PPP4R4: variants seen among roughly 807,000 people sequenced by gnomAD.
PPP4R4 encodes the protein protein phosphatase 4 regulatory subunit 4.
Under a neutral mutation model 121.8 loss-of-function variants are expected in PPP4R4, and 70 were observed. The ratio of observed to expected loss-of-function variants is 0.57; its 90% confidence interval spans 0.47 to 0.70. The LOEUF (loss-of-function observed/expected upper bound fraction) is 0.70, where lower values mean the gene tolerates loss of function less well. Among genes scored for constraint, PPP4R4 ranks in the 30% least tolerant of loss-of-function variants. PPP4R4 has a pLI of 0.00. For synonymous variants in PPP4R4, 348 were observed against 355.7 expected, an observed-to-expected ratio of 0.98 and a Z score of 0.24; for missense variants, 875 against 1,033.6, an observed-to-expected ratio of 0.85 and a Z score of 2.10.
intron 3 of PPP4R4, among the ~76,000 whole-genome samples, chr14:94,217,006 G>A (rs141325986): frequency 1.4e-4 from 21 of 152,140 alleles, no homozygotes; most frequent in African/African-American, 4.6e-4. Context: ...TCCCCCTCCC[G>A]CACCCCAAGA....
chr14:94,234,863 G>A (rs1202577305), intron 7 of PPP4R4, among the ~76,000 whole-genome samples, 194 bp downstream of exon 7: 1 of 152,082 alleles, frequency 6.6e-6, no homozygotes, highest in Non-Finnish European at 1.5e-5. Context: ...TAGTTGCTTA[G>A]TTATCATTCC....
intron 3 of PPP4R4, among the ~76,000 whole-genome samples, chr14:94,221,471 A>G (rs566867723): frequency 6.6e-6 from 1 of 152,248 alleles, no homozygotes; most frequent in Admixed American, 6.5e-5. Flanking sequence ...TGTGTTCAGA[A>G]TTCATAAAGA....
At chr14:94,227,570 G>A (rs1326379248) in intron 3 of PPP4R4, 2 of 1,314,388 alleles carry the variant, frequency 1.5e-6, no homozygotes, top group African/African-American at 1.5e-5. Context: ...AAAATTAAAT[G>A]CAAAATAGTT....
intron 19 of PPP4R4, among the ~76,000 whole-genome samples, chr14:94,260,445 CA>C (rs1286496618): frequency 2.6e-5 from 4 of 151,960 alleles, no homozygotes; most frequent in African/African-American, 7.2e-5. Flanking sequence ...CAAAACAAAA[CA>C]AAAAAACCTG....
chr14:94,200,394 A>T (rs911164046), intron 2 of PPP4R4, among the ~76,000 whole-genome samples: 5 of 152,184 alleles, frequency 3.3e-5, no homozygotes, highest in Non-Finnish European at 5.9e-5. Context: ...GTAATGGCCT[A>T]GTTTCAATAG....
chr14:94,247,498 C>T (rs1344049665), intron 14 of PPP4R4, among the ~76,000 whole-genome samples: 3 of 152,256 alleles, frequency 2.0e-5, no homozygotes, highest in African/African-American at 4.8e-5. Context: ...CTCCTCTGAG[C>T]TGGAATCAAT....
chr14:94,268,343 T>G (rs887149900), intron 23 of PPP4R4, among the ~76,000 whole-genome samples: 1 of 152,222 alleles, frequency 6.6e-6, no homozygotes, highest in African/African-American at 2.4e-5. Flanking sequence ...TATTCATGAT[T>G]TTGTAACATT....
In PPP4R4 at chr14:94,199,665, G is replaced by A. The variant is rs931028038; in HGVS notation, c.192-8799G>A. 2.6e-5 allele frequency among the ~76,000 whole-genome samples: 4 copies of A among 152,124 alleles called. No homozygotes were observed. The South Asian group carries it at 6.2e-4, about 24-fold the overall frequency. On this transcript the variant is annotated intron_variant, in intron 2 of 24. Transcript: ENST00000304338. ...GCCAGAAGAGAGACAGAGTGGAAAG[G>A]TAGTTTTCCCCTGGAGTCGGGCTGC... is the stretch of plus-strand genomic sequence containing the variant.
chr14:94,232,763 A>G (rs1892113036), intron 5 of PPP4R4, among the ~76,000 whole-genome samples: 1 of 152,174 alleles, frequency 6.6e-6, no homozygotes, highest in African/African-American at 2.4e-5. Flanking sequence ...GAGATTAGAA[A>G]TAGCGAGATT....
At position 94,208,080 on chromosome 14, in the gene PPP4R4, C is replaced by G. The variant is rs554014557; in HGVS notation, c.192-384C>G. 7.9e-5 allele frequency among the ~76,000 whole-genome samples: 12 copies of G among 151,730 alleles called. No individual in the cohort carries two copies. The East Asian group carries it at 2.3e-3, about 29-fold the overall frequency. On this transcript the variant is annotated intron_variant, in intron 2 of 24. Transcript: ENST00000304338. ...TGTTGCTATGACTATTAATGTTTTA[C>G]CGTAATAAAATGTTACCATTTATAT...
At chr14:94,245,280 G>A (rs180763062) in intron 12 of PPP4R4, among the ~76,000 whole-genome samples, 2 of 152,198 alleles carry the variant, frequency 1.3e-5, no homozygotes, top group East Asian at 3.9e-4. Flanking sequence ...TTTAAACAAC[G>A]TTTCGAAAGT....
chr14:94,224,846 G>C (rs1454896425), intron 3 of PPP4R4, among the ~76,000 whole-genome samples: 1 of 152,152 alleles, frequency 6.6e-6, no homozygotes, highest in Admixed American at 6.5e-5. Context: ...AAGACCAAAA[G>C]TGGAGAACTG....
chr14:94,216,152 A>G (rs755270857), intron 3 of PPP4R4, among the ~76,000 whole-genome samples: 2 of 152,232 alleles, frequency 1.3e-5, no homozygotes, highest in Admixed American at 6.5e-5. Context: ...GGGCTCAAAA[A>G]CAAAGCAATC....
At chr14:94,186,348 A>G (rs1889281884) in intron 2 of PPP4R4, among the ~76,000 whole-genome samples, 2 of 152,192 alleles carry the variant, frequency 1.3e-5, no homozygotes, top group South Asian at 4.1e-4. Context: ...TTTTATAGAA[A>G]TGGATCATAC....
intron 7 of PPP4R4, among the ~76,000 whole-genome samples, chr14:94,235,196 T>C (rs7142751): frequency 6.6e-6 from 1 of 151,892 alleles, no homozygotes; most frequent in Non-Finnish European, 1.5e-5. Context: ...TCAGGAAATA[T>C]TGACAAGAAA....
At chr14:94,193,992 C>T (rs1197033964) in intron 2 of PPP4R4, among the ~76,000 whole-genome samples, 1 of 152,134 alleles carries the variant, frequency 6.6e-6, no homozygotes, top group East Asian at 1.9e-4. Context: ...AAAAGTTTAC[C>T]ATGACAATGG....
chr14:94,240,804 T>C lies in PPP4R4; in HGVS notation c.976+9T>C. ...ATGTCATGGACTATATGGTATGATA[T>C]ATCCTAAGAATTTTGAGACTGTAGA... is the stretch of plus-strand genomic sequence containing the variant. On this transcript the variant is annotated intron_variant, in intron 9 of 24. Transcript: ENST00000304338. 1 of 1,511,426 alleles carries C rather than the reference T, an allele frequency of 6.6e-7. No homozygotes were observed. Among genetic ancestry groups the C allele is most frequent in the Non-Finnish European group, 8.8e-7 (1 of 1,136,042 alleles). The allele number at this position is 1,511,426 out of a possible 1,614,324, so 93.6% of individuals were successfully genotyped here.
intron 16 of PPP4R4, among the ~76,000 whole-genome samples, chr14:94,253,208 C>T (rs1176683320): frequency 6.6e-6 from 1 of 152,172 alleles, no homozygotes; most frequent in African/African-American, 2.4e-5. Context: ...CTGTAAATCC[C>T]AGCACTTTGG....
chr14:94,234,194 A>T (rs973610421), intron 6 of PPP4R4, among the ~76,000 whole-genome samples: 2 of 152,160 alleles, frequency 1.3e-5, no homozygotes, highest in Non-Finnish European at 2.9e-5. Context: ...CTGCTTATTA[A>T]ATACCAAATG....
Sources: allele counts gnomAD v4.1 joint callset (sites outside exome capture counted in the v4.1 genomes callset), GRCh38; gene constraint gnomAD v4.1.1; transcripts MANE v1.5; gene names NCBI Gene and HGNC (gene_info 2026-07-23, HGNC 2026-07-21).